Variants in NUP153 observed in about 807,000 individuals in gnomAD.
NUP153 encodes the protein nuclear pore complex protein Nup153.
A neutral mutation model predicts 134.6 loss-of-function variants in NUP153; 27 were observed. The observed-to-expected ratio is 0.20, with a 90% CI of 0.15 to 0.28. The LOEUF (loss-of-function observed/expected upper bound fraction) is 0.28. Among genes scored for constraint, NUP153 ranks in the 10% least tolerant of loss-of-function variants. The pLI is 1.00. For synonymous variants in NUP153, 640 were observed against 623.5 expected (o/e 1.03, Z -0.40); for missense variants, 1,821 against 1,731.3 (o/e 1.05, Z -0.92).
Position 17,637,519 on chromosome 6 carries a change from G to A in NUP153, c.2098C>T (p.Pro700Ser). The A allele has an allele frequency of 6.2e-7, 1 of 1,614,174 alleles. No homozygotes were observed. Among genetic ancestry groups the A allele is most frequent in the Non-Finnish European group, 8.5e-7 (1 of 1,180,032 alleles). Residue 700 changes from proline to serine, a missense_variant, in exon 16 of 22, where the codon CCA becomes TCA. Pro to Ser is a moderately conservative substitution (Grantham distance 74). Coordinates refer to ENST00000262077, the MANE Select transcript of NUP153 (RefSeq NM_005124.4). ...AGAGTTGTTTTGCCACTTTTATTTG[G>A]TGTTTCAATTCCAGTCTGTTTAGCA... ...DTAKQTGIET[P>S]NKSGKTTLSA...
At position 17,706,363 on chromosome 6, in the gene NUP153, C is replaced by T; in HGVS notation, c.25G>A (p.Gly9Arg). The T allele has an allele frequency of 6.2e-7, 1 of 1,612,822 alleles. No individual in the cohort carries two copies. Among genetic ancestry groups the T allele is most frequent in the Non-Finnish European group, 8.5e-7 (1 of 1,179,614 alleles). ...CGGATCTTGCCGCCACCGCCCCCTC[C>T]GACTCCTCCGGCTCCCGAGGCCATG... MASGAGGV[G>R]GGGGGKIRTR... The change falls in exon 1 of 22, where the codon GGA (glycine) becomes AGA (arginine). Residue 9 changes from glycine (G) to arginine (R), a missense_variant. Transcript: ENST00000262077. The surrounding 1 kb of genome is among the most constrained non-coding windows in gnomAD (Gnocchi z 5.9).
chr6:17,681,168 GC>G (rs1231817851), intron 2 of NUP153, among the ~76,000 whole-genome samples: 2 of 151,564 alleles, frequency 1.3e-5, no homozygotes, highest in Non-Finnish European at 2.9e-5. Context: ...AATACACCAG[GC>G]ACAAAAAGAC....
chr6:17,686,051 G>A (rs1768901315), intron 2 of NUP153, among the ~76,000 whole-genome samples: 3 of 152,142 alleles, frequency 2.0e-5, no homozygotes, highest in South Asian at 2.1e-4. Flanking sequence ...GGGAGGCTGA[G>A]GTGGGAGGAT....
Position 17,676,155 on chromosome 6 carries a change from C to CTG in NUP153, c.335-387_335-386dup, listed in dbSNP as rs563601209. ...AATAAGTTTTACCCGTATTTTGATA[C>CTG]TGTTGCTTTTATTTCAATATGTCTA... On this transcript the variant is annotated intron_variant, in intron 2 of 21. Transcript: ENST00000262077. 1.4e-4 allele frequency among the ~76,000 whole-genome samples: 21 copies of CTG among 152,264 alleles called. 1 individual carries two copies. The South Asian group carries it at 4.4e-3, about 32-fold the overall frequency.
rs978535169 is a variant in NUP153 at position 17,706,299 on chromosome 6, T to G, written c.89A>C (p.Gln30Pro). ...RCHQGPIKPY[Q>P]QGRQQHQGIL... ...TACCTGATGCTGTTGTCGCCCCTGC[T>G]GGTAAGGCTTAATTGGCCCCTGGTG... Residue 30 changes from glutamine (Q) to proline (P), a missense_variant, in exon 1 of 22, where the codon CAG (glutamine) becomes CCG (proline). Coordinates refer to ENST00000262077, the MANE Select transcript of NUP153 (RefSeq NM_005124.4). This position sits in a 1 kb window ranked among gnomAD's most constrained non-coding sequence, Gnocchi z 5.9. 1.2e-5 allele frequency: 19 copies of G among 1,613,574 alleles called. No homozygotes were observed. The highest frequency in any genetic ancestry group is 1.6e-5 in the Non-Finnish European group (19 of 1,179,660).
At chr6:17,681,362 G>C (rs1450313251) in intron 2 of NUP153, among the ~76,000 whole-genome samples, 1 of 151,752 alleles carries the variant, frequency 6.6e-6, no homozygotes. Context: ...CGAGGTGGGC[G>C]GATCACGAGG....
intron 2 of NUP153, among the ~76,000 whole-genome samples, chr6:17,679,660 G>C (rs577084098): frequency 6.6e-6 from 1 of 152,328 alleles, no homozygotes; most frequent in East Asian, 1.9e-4. Flanking sequence ...ACTGGTGAGA[G>C]AGAACAGGAG....
At chr6:17,661,627 A>G (rs778339576) in intron 11 of NUP153, 26 bp downstream of exon 11, 1 of 1,601,598 alleles carries the variant, frequency 6.2e-7, no homozygotes, top group South Asian at 1.1e-5. Context: ...AATAAACCTC[A>G]AGAGTATATG....
At chr6:17,683,153 T>C (rs1768712375) in intron 2 of NUP153, among the ~76,000 whole-genome samples, 2 of 152,144 alleles carry the variant, frequency 1.3e-5, no homozygotes, top group Non-Finnish European at 2.9e-5. Context: ...TAAACTCCTA[T>C]TCATGTCAAT....
At chr6:17,672,911 A>AAT (rs1768001427) in intron 5 of NUP153, among the ~76,000 whole-genome samples, 2 of 152,204 alleles carry the variant, frequency 1.3e-5, no homozygotes, top group Non-Finnish European at 2.9e-5. Flanking sequence ...AATCATAGGC[A>AAT]TAAATTAAAA....
chr6:17,664,434 G>A (rs1382953110), intron 9 of NUP153, among the ~76,000 whole-genome samples: 6 of 152,046 alleles, frequency 3.9e-5, no homozygotes, highest in South Asian at 2.1e-4. Context: ...TTTGAGGTCT[G>A]GAAAAACAAA....
chr6:17,698,723 G>A (rs1049839649), intron 1 of NUP153, among the ~76,000 whole-genome samples: 4 of 138,204 alleles, frequency 2.9e-5, no homozygotes, highest in Non-Finnish European at 3.0e-5. Flanking sequence ...GGGCGACAGA[G>A]CAAGACTCTG....
At chr6:17,665,443 C>G in intron 8 of NUP153, 58 bp from the exon 9 acceptor site, 3 of 1,422,306 alleles carry the variant, frequency 2.1e-6, no homozygotes, top group Non-Finnish European at 2.9e-6. Flanking sequence ...TGATTCATAT[C>G]TAAATTTTGA....
Position 17,639,926 on chromosome 6 carries a change from T to C in NUP153, c.1846+13A>G. On this transcript the variant is annotated intron_variant, in intron 15 of 21. Transcript: ENST00000262077. ...AGTTTGTAATCAAAAGGCTTATCTT[T>C]TAATTATCTTACCAGGGCTTTTCAG... is the stretch of plus-strand genomic sequence containing the variant. 1 of 1,592,856 alleles carries C rather than the reference T, an allele frequency of 6.3e-7. No individual in the cohort carries two copies. The highest frequency in any genetic ancestry group is 8.5e-7 in the Non-Finnish European group (1 of 1,173,560).
intron 16 of NUP153, among the ~76,000 whole-genome samples, chr6:17,636,548 A>G (rs1415014358): frequency 6.6e-6 from 1 of 152,190 alleles, no homozygotes; most frequent in Admixed American, 6.5e-5. Flanking sequence ...TCTGTACCAT[A>G]TAATTATATA....
chr6:17,651,870 G>C (rs887830740), intron 11 of NUP153: 8 of 676,432 alleles, frequency 1.2e-5, no homozygotes, highest in Middle Eastern at 2.4e-4. Flanking sequence ...AAGATGGGAT[G>C]ATCGCTTGAG....
At chr6:17,683,604 T>C (rs920524511) in intron 2 of NUP153, among the ~76,000 whole-genome samples, 3 of 152,188 alleles carry the variant, frequency 2.0e-5, no homozygotes, top group Non-Finnish European at 4.4e-5. Context: ...CCAGGTTTTG[T>C]TGTTTCAATT....
intron 1 of NUP153, among the ~76,000 whole-genome samples, chr6:17,695,745 C>T (rs915913456): frequency 6.6e-6 from 1 of 152,166 alleles, no homozygotes; most frequent in African/African-American, 2.4e-5. Flanking sequence ...CACGGTGGCT[C>T]ACGCCTGTAA....
chr6:17,661,920 GTTCT>G, intron 10 of NUP153, 94 bp downstream of exon 10: 3 of 1,280,890 alleles, frequency 2.3e-6, no homozygotes, highest in Non-Finnish European at 2.2e-6. Context: ...TAAAGTTTCT[GTTCT>G]TTGATTTTAA....
Sources: gnomAD v4.1 joint callset for allele counts (sites outside exome capture counted in the v4.1 genomes callset) on GRCh38, gnomAD v4.1.1 for gene constraint, Gnocchi (gnomAD v3.1) non-coding constraint, MANE v1.5 for transcripts, NCBI Gene and HGNC (gene_info 2026-07-23, HGNC 2026-07-21) for gene names.